SLCO5A1: variants seen among roughly 807,000 people sequenced by gnomAD.
SLCO5A1 encodes the protein solute carrier organic anion transporter family member 5A1.
SLCO5A1 carries 39 observed loss-of-function variants against 65.1 expected under a neutral mutation model. That is an observed-to-expected ratio of 0.60 (90% CI 0.46 to 0.78). The LOEUF is 0.78. Among genes scored for constraint, SLCO5A1 ranks in the 30% least tolerant of loss-of-function variants. SLCO5A1 has a pLI of 0.00. For synonymous variants in SLCO5A1, 438 were observed against 415.7 expected, an observed-to-expected ratio of 1.05 and a Z score of -0.65; for missense variants, 1,029 against 1,069.4, an observed-to-expected ratio of 0.96 and a Z score of 0.53.
At chr8:69,697,153 G>C (rs1335088498) in intron 6 of SLCO5A1, among the ~76,000 whole-genome samples, 1 of 152,214 alleles carries the variant, frequency 6.6e-6, no homozygotes. Flanking sequence ...CTGTGCCGAG[G>C]CACTCATTCA....
At chr8:69,767,550 A>G (rs1239334432) in intron 2 of SLCO5A1, among the ~76,000 whole-genome samples, 1 of 152,158 alleles carries the variant, frequency 6.6e-6, no homozygotes, top group Non-Finnish European at 1.5e-5. Context: ...GAAAGGAGTT[A>G]ATACCTGTAA....
At chr8:69,801,514 C>T (rs1178029524) in intron 2 of SLCO5A1, among the ~76,000 whole-genome samples, 1 of 152,134 alleles carries the variant, frequency 6.6e-6, no homozygotes, top group Non-Finnish European at 1.5e-5. Context: ...AAATATTTTA[C>T]AGCAAAGTAC....
chr8:69,708,167 A>G (rs1217115334), intron 5 of SLCO5A1, among the ~76,000 whole-genome samples: 2 of 152,230 alleles, frequency 1.3e-5, no homozygotes, highest in Non-Finnish European at 2.9e-5. Context: ...AATGTGGGAA[A>G]CAAAAATGTC....
chr8:69,786,116 A>C (rs184828290), intron 2 of SLCO5A1, among the ~76,000 whole-genome samples: 5 of 152,358 alleles, frequency 3.3e-5, no homozygotes, highest in Non-Finnish European at 7.3e-5. Flanking sequence ...AATAGTTCAA[A>C]ATGGAAAGTT....
intron 5 of SLCO5A1, among the ~76,000 whole-genome samples, chr8:69,716,792 T>C (rs1443526233): frequency 6.6e-6 from 1 of 152,048 alleles, no homozygotes; most frequent in African/African-American, 2.4e-5. Flanking sequence ...CTTTTTTTTT[T>C]TTTTTAAGAC....
chr8:69,751,061 C>G (rs114064211), intron 4 of SLCO5A1, among the ~76,000 whole-genome samples: 1 of 152,124 alleles, frequency 6.6e-6, no homozygotes, highest in Non-Finnish European at 1.5e-5. Context: ...CAGACAAAAT[C>G]CTAGCAGAGA....
intron 2 of SLCO5A1, among the ~76,000 whole-genome samples, chr8:69,801,673 G>T (rs1819743522): frequency 6.6e-6 from 1 of 152,178 alleles, no homozygotes; most frequent in Middle Eastern, 3.4e-3. Flanking sequence ...CTAGATGATG[G>T]TATTTGATGA....
chr8:69,727,934 C>A (rs183345630), intron 5 of SLCO5A1, among the ~76,000 whole-genome samples: 70 of 152,278 alleles, frequency 4.6e-4, no homozygotes, highest in African/African-American at 1.3e-3. Context: ...GCTGGGCAAT[C>A]AGATAGTTTA....
At chr8:69,707,115 G>A (rs1815007194) in intron 5 of SLCO5A1, among the ~76,000 whole-genome samples, 1 of 152,140 alleles carries the variant, frequency 6.6e-6, no homozygotes, top group Non-Finnish European at 1.5e-5. Flanking sequence ...TCGTGCCGCT[G>A]CACTCCAGCC....
chr8:69,733,324 A>G lies in SLCO5A1; in HGVS notation c.1423+4716T>C, dbSNP rs1586738308. Among the ~76,000 whole-genome samples, 3 of 152,314 alleles carry G rather than the reference A, an allele frequency of 2.0e-5. No individual in the cohort carries two copies. The East Asian group carries it at 5.8e-4, about 29-fold the overall frequency. On this transcript the variant is annotated intron_variant, in intron 5 of 9. Transcript: ENST00000260126. ...TGAAGTTAAGTAAGCTTCAAAACAA[A>G]TCACTATTCACTACTTCATTTGATC...
rs1818398910 is a variant in SLCO5A1 at position 69,773,014 on chromosome 8, G to A, written c.908-11139C>T. 3.1e-6 allele frequency: 3 copies of A among 970,998 alleles called. No homozygotes were observed. The Admixed American group carries it at 1.8e-4, about 60-fold the overall frequency. 60.1% of individuals were successfully genotyped at this position (970,998 alleles called of 1,614,324 possible). A position where few individuals can be genotyped will look rare whatever the true frequency, so the allele number is the denominator to read the frequency against. On this transcript the variant is annotated intron_variant, in intron 2 of 9. Transcript: ENST00000260126. ...TGATACGTTATAATTAGTTGGGGAG[G>A]GAGGACAGAGAAGGCTTCATGGATG...
rs1821197223 is a variant in SLCO5A1 at position 69,832,350 on chromosome 8, G to A, written c.324C>T (p.Ser108=). The A allele has an allele frequency of 1.2e-6, 2 of 1,614,024 alleles. No homozygotes were observed. Among genetic ancestry groups the A allele is most frequent in the South Asian group, 1.1e-5 (1 of 91,090 alleles). ...TCTCCTGGAGCATGGCCAAGGCGGA[G>A]GACACCGAGAAGGTTTTGCTGAGGT... ...RVDLSKTFSV[S]SALAMLQERR... Residue 108 remains serine, a synonymous_variant, in exon 2 of 10, where the codon TCC becomes TCT. Coordinates refer to ENST00000260126, the MANE Select transcript of SLCO5A1 (RefSeq NM_030958.3). The surrounding 1 kb of genome is among the most constrained non-coding windows in gnomAD (Gnocchi z 4.5).
rs189445363 is a variant in SLCO5A1, at chr8:69,785,780, G to A, written c.908-23905C>T. 2.6e-5 allele frequency among the ~76,000 whole-genome samples: 4 copies of A among 152,200 alleles called. No homozygotes were observed. The East Asian group carries it at 7.7e-4, about 29-fold the overall frequency. On this transcript the variant is annotated intron_variant, in intron 2 of 9. Coordinates refer to ENST00000260126, the MANE Select transcript of SLCO5A1 (RefSeq NM_030958.3). ...CACTTTAACCCAACAAATATCAAGA[G>A]CAAACCATCCAAAAGAAATCAAACC...
chr8:69,770,893 T>G (rs1182677319), intron 2 of SLCO5A1, among the ~76,000 whole-genome samples: 2 of 152,224 alleles, frequency 1.3e-5, no homozygotes, highest in Admixed American at 1.3e-4. Flanking sequence ...TAACTGCTAT[T>G]TTTAATCCCA....
intron 2 of SLCO5A1, among the ~76,000 whole-genome samples, chr8:69,789,213 A>C (rs184207256): frequency 1.3e-5 from 2 of 152,302 alleles, no homozygotes; most frequent in Non-Finnish European, 2.9e-5. Context: ...AATCTACCAA[A>C]GCAAATATGT....
chr8:69,812,530 A>G (rs967310103), intron 2 of SLCO5A1, among the ~76,000 whole-genome samples: 3 of 152,230 alleles, frequency 2.0e-5, no homozygotes, highest in African/African-American at 7.2e-5. Context: ...TGAGTCTCAT[A>G]TAAGTAAATA....
At chr8:69,717,227 A>T (rs2380576) in intron 5 of SLCO5A1, among the ~76,000 whole-genome samples, 85,283 of 152,008 alleles carry the variant, frequency 0.56, 24,441 homozygotes, top group South Asian at 0.69. Flanking sequence ...ATTATAATTT[A>T]AGCTCTTACA....
intron 2 of SLCO5A1, among the ~76,000 whole-genome samples, chr8:69,814,119 A>G (rs1820314868): frequency 6.6e-6 from 1 of 152,210 alleles, no homozygotes; most frequent in African/African-American, 2.4e-5. Flanking sequence ...AGACTACATG[A>G]CATTGATCTT....
At chr8:69,802,015 A>C (rs964032584) in intron 2 of SLCO5A1, among the ~76,000 whole-genome samples, 3 of 152,150 alleles carry the variant, frequency 2.0e-5, no homozygotes, top group African/African-American at 7.2e-5. Context: ...CCAGTTAGAG[A>C]ATGAGAGAGT....
Sources: allele counts gnomAD v4.1 joint callset (sites outside exome capture counted in the v4.1 genomes callset), GRCh38; gene constraint gnomAD v4.1.1; non-coding constraint Gnocchi (gnomAD v3.1); transcripts MANE v1.5; gene names NCBI Gene and HGNC (gene_info 2026-07-23, HGNC 2026-07-21).